ASAP2: variants seen among roughly 807,000 people sequenced by gnomAD.
The protein encoded by ASAP2 is ArfGAP with SH3 domain, ankyrin repeat and PH domain 2.
In ASAP2, 45 loss-of-function variants were observed where a neutral mutation model predicts 131.4. The ratio of observed to expected loss-of-function variants is 0.34; its 90% CI spans 0.27 to 0.44. The LOEUF (loss-of-function observed/expected upper bound fraction) is 0.44, where lower values mean the gene tolerates loss of function less well. ASAP2 is among the 20% of genes least tolerant of loss of function. The pLI, the probability that ASAP2 is intolerant of heterozygous loss-of-function variation, is 1.00. For missense variants in ASAP2, 1,011 were observed against 1,297.0 expected (o/e 0.78, Z 3.39); for synonymous variants, 510 against 503.0 (o/e 1.01, Z -0.19).
Position 9,388,407 on chromosome 2 carries a change from G to T in ASAP2, c.2244G>T (p.Glu748Asp). ...LARDAANLAKEKQRAFMPSIL... is the reference protein window; with the variant it reads ...LARDAANLAKDKQRAFMPSIL... Reference sequence around the variant, plus strand: ...GAGATGCTGCAAACCTTGCCAAGGAGAAGCAGAGGGCTTTCATGCCCAGCA... The same window carrying T: ...GAGATGCTGCAAACCTTGCCAAGGATAAGCAGAGGGCTTTCATGCCCAGCA... Residue 748 changes from glutamate (E) to aspartate (D), a missense_variant, in exon 22 of 28, where the codon GAG becomes GAT. Around this residue, in one of 2 missense-constraint regions of ASAP2, gnomAD observed 652 missense variants for 698.9 expected, o/e 0.93. Transcript: ENST00000281419. 3 of 1,613,908 alleles carry T rather than the reference G, an allele frequency of 1.9e-6. No individual in the cohort carries two copies. Among genetic ancestry groups the T allele is most frequent in the Non-Finnish European group, 2.5e-6 (3 of 1,179,956 alleles).
intron 1 of ASAP2, among the ~76,000 whole-genome samples, chr2:9,242,689 C>A (rs1402716297): frequency 6.6e-6 from 1 of 152,206 alleles, no homozygotes; most frequent in Non-Finnish European, 1.5e-5. Flanking sequence ...GGAGAGAATC[C>A]TCAGCTGATC....
intron 6 of ASAP2, among the ~76,000 whole-genome samples, chr2:9,323,908 T>A (rs988861404): frequency 9.2e-5 from 14 of 152,194 alleles, no homozygotes; most frequent in Admixed American, 5.9e-4. Context: ...GCTCACAGAT[T>A]TTTTATTTTT....
At chr2:9,241,117 A>G (rs1202992127) in intron 1 of ASAP2, among the ~76,000 whole-genome samples, 3 of 152,262 alleles carry the variant, frequency 2.0e-5, no homozygotes, top group African/African-American at 4.8e-5. Flanking sequence ...GTGGAAAATG[A>G]AACTGTGGAT....
At chr2:9,360,944 C>T (rs1673037749) in intron 15 of ASAP2, among the ~76,000 whole-genome samples, 1 of 152,134 alleles carries the variant, frequency 6.6e-6, no homozygotes, top group African/African-American at 2.4e-5. Context: ...AAATGTGTCT[C>T]AGAAATTTCA....
In ASAP2 at chr2:9,230,371, G is replaced by A. The variant is rs545724113; in HGVS notation, c.126+23141G>A. Among the ~76,000 whole-genome samples the A allele has an allele frequency of 2.0e-5, 3 of 152,344 alleles. No homozygotes were observed. The East Asian group carries it at 5.8e-4, about 29-fold the overall frequency. On this transcript the variant is annotated intron_variant, in intron 1 of 27. Transcript: ENST00000281419. Reference sequence around the variant, plus strand: ...CTGCCACTGCGAGCCTGTGTTACAAGACTGAGCAGTGCAGCCGTGACTCTG... The same window carrying A: ...CTGCCACTGCGAGCCTGTGTTACAAAACTGAGCAGTGCAGCCGTGACTCTG...
At chr2:9,384,846 C>A (rs973787990) in intron 20 of ASAP2, among the ~76,000 whole-genome samples, 1 of 152,196 alleles carries the variant, frequency 6.6e-6, no homozygotes, top group Non-Finnish European at 1.5e-5. Context: ...CAGGGTGAGA[C>A]CCTCTCTGGG....
intron 4 of ASAP2, 52 bp downstream of exon 4, chr2:9,318,650 C>T (rs571765644): frequency 2.3e-4 from 314 of 1,339,816 alleles, no homozygotes; most frequent in Non-Finnish European, 3.0e-4. Flanking sequence ...CATGTAGAGT[C>T]ACAGTAGCTT....
chr2:9,299,051 A>G, intron 3 of ASAP2, among the ~76,000 whole-genome samples: 1 of 152,216 alleles, frequency 6.6e-6, no homozygotes, highest in East Asian at 1.9e-4. Context: ...TGGGAAATAG[A>G]TAAAAGACGA....
chr2:9,320,248 A>G (rs748422604), intron 4 of ASAP2, 40 bp from the exon 5 acceptor site: 2 of 1,537,248 alleles, frequency 1.3e-6, no homozygotes, highest in South Asian at 2.3e-5. Flanking sequence ...CACAGAAGTG[A>G]ATGATTAGTC....
chr2:9,265,670 C>G (rs1310312718), intron 1 of ASAP2, among the ~76,000 whole-genome samples: 1 of 152,098 alleles, frequency 6.6e-6, no homozygotes, highest in East Asian at 1.9e-4. Flanking sequence ...TATCACTTGT[C>G]TATCCTCTTT....
intron 1 of ASAP2, among the ~76,000 whole-genome samples, chr2:9,269,389 C>T (rs1056630786): frequency 5.3e-5 from 8 of 152,144 alleles, no homozygotes; most frequent in African/African-American, 1.2e-4. Flanking sequence ...AAAGCTGTCC[C>T]GCAGGCCGTG....
At chr2:9,312,755 A>G (rs1299111269) in intron 3 of ASAP2, among the ~76,000 whole-genome samples, 2 of 152,104 alleles carry the variant, frequency 1.3e-5, no homozygotes, top group Admixed American at 1.3e-4. Context: ...TGAGGTCCTC[A>G]CTAGCTTGTT....
chr2:9,310,384 G>A (rs1669223128), intron 3 of ASAP2, among the ~76,000 whole-genome samples: 1 of 152,164 alleles, frequency 6.6e-6, no homozygotes, highest in South Asian at 2.1e-4. Context: ...GATTATCCTC[G>A]AAGAGAGTTG....
intron 4 of ASAP2, 114 bp from the exon 5 acceptor site, chr2:9,320,174 G>A (rs545729963): frequency 1.9e-5 from 16 of 846,218 alleles, no homozygotes; most frequent in African/African-American, 1.9e-4. Context: ...GATTACATAC[G>A]TCATTTATTG....
chr2:9,327,127 T>C (rs1670529746), intron 6 of ASAP2, among the ~76,000 whole-genome samples: 1 of 134,046 alleles, frequency 7.5e-6, no homozygotes. Context: ...TGGGTACCCC[T>C]ACCCCACCCC....
At chr2:9,275,082 G>T (rs912793723) in intron 1 of ASAP2, among the ~76,000 whole-genome samples, 6 of 128,832 alleles carry the variant, frequency 4.7e-5, no homozygotes, top group African/African-American at 5.8e-5. Flanking sequence ...TCATTTGTCT[G>T]TTTTTTTTTT....
At chr2:9,356,474 T>TC (rs1672712973) in intron 14 of ASAP2, 129 bp downstream of exon 14, 1 of 1,110,976 alleles carries the variant, frequency 9.0e-7, no homozygotes, top group Admixed American at 2.9e-5. Flanking sequence ...CCTGAGTTCA[T>TC]CCCATTACAC....
chr2:9,290,882 C>T (rs1012268061), intron 2 of ASAP2, among the ~76,000 whole-genome samples: 6 of 152,164 alleles, frequency 3.9e-5, no homozygotes, highest in African/African-American at 1.4e-4. Flanking sequence ...TGGCCTGGGA[C>T]CTAGTATATA....
chr2:9,320,085 A>G (rs949986048), intron 4 of ASAP2, among the ~76,000 whole-genome samples: 6 of 152,214 alleles, frequency 3.9e-5, no homozygotes, highest in African/African-American at 1.4e-4. Flanking sequence ...TATATTCTAT[A>G]TTATTTTAAG....
Sources: gnomAD v4.1 joint callset for allele counts (sites outside exome capture counted in the v4.1 genomes callset) on GRCh38, gnomAD v4.1.1 for gene constraint, gnomAD v4.1.1 regional missense constraint, MANE v1.5 for transcripts, NCBI Gene and HGNC (gene_info 2026-07-23, HGNC 2026-07-21) for gene names.